The following TOX variants were observed in gnomAD, a reference collection of about 807,000 sequenced individuals.
TOX encodes the protein thymocyte selection associated high mobility group box.
TOX carries 11 observed loss-of-function variants against 53.7 expected under a neutral mutation model. The observed-to-expected ratio is 0.20, with a 90% CI of 0.13 to 0.34. The LOEUF (loss-of-function observed/expected upper bound fraction) is 0.34. Among genes scored for constraint, TOX ranks in the 10% least tolerant of loss-of-function variants. The probability of loss-of-function intolerance (pLI) is 1.00; values close to 1 mark genes in which losing one functional copy is unlikely to be tolerated. For synonymous variants in TOX, 225 were observed against 245.3 expected, an observed-to-expected ratio of 0.92 and a Z score of 0.77; for missense variants, 570 against 664.6, an observed-to-expected ratio of 0.86 and a Z score of 1.56.
intron 1 of TOX, among the ~76,000 whole-genome samples, chr8:59,038,044 T>C (rs978710990): frequency 6.6e-6 from 1 of 152,296 alleles, no homozygotes; most frequent in Non-Finnish European, 1.5e-5. Context: ...CAGACTTCCC[T>C]GTGGAAGAAT....
At chr8:58,856,748 G>T (rs1585863076) in intron 3 of TOX, among the ~76,000 whole-genome samples, 1 of 142,102 alleles carries the variant, frequency 7.0e-6, no homozygotes, top group Non-Finnish European at 1.5e-5. Flanking sequence ...ACCTTCCTTT[G>T]TTTTTTTTTT....
chr8:59,071,375 C>T (rs1804194880), intron 1 of TOX, among the ~76,000 whole-genome samples: 1 of 152,182 alleles, frequency 6.6e-6, no homozygotes, highest in Admixed American at 6.5e-5. Context: ...GGAATGCTCT[C>T]CACTCAGGGA....
chr8:58,908,085 C>G (rs1000238944), intron 3 of TOX, among the ~76,000 whole-genome samples: 2 of 152,160 alleles, frequency 1.3e-5, no homozygotes, highest in African/African-American at 4.8e-5. Context: ...GATGCTCTCT[C>G]TCTGCCTTTC....
intron 3 of TOX, among the ~76,000 whole-genome samples, chr8:58,867,370 G>T (rs988544575): frequency 4.6e-5 from 7 of 152,298 alleles, no homozygotes; most frequent in African/African-American, 1.4e-4. Context: ...TGCTCACAAG[G>T]TATAGCACAT....
chr8:58,811,501 C>T (rs1169695418), intron 7 of TOX, among the ~76,000 whole-genome samples: 1 of 152,254 alleles, frequency 6.6e-6, no homozygotes, highest in Non-Finnish European at 1.5e-5. Context: ...CAGTGATCCT[C>T]ATATCCACAC....
At chr8:58,812,217 T>G (rs1810091725) in intron 7 of TOX, among the ~76,000 whole-genome samples, 1 of 152,162 alleles carries the variant, frequency 6.6e-6, no homozygotes, top group African/African-American at 2.4e-5. Flanking sequence ...AATGAAGTGA[T>G]AATGTGGAGG....
chr8:59,060,236 G>A (rs1311350469), intron 1 of TOX, among the ~76,000 whole-genome samples: 4 of 152,058 alleles, frequency 2.6e-5, no homozygotes, highest in African/African-American at 9.7e-5. Context: ...GTCTTTTCAT[G>A]TGGATTACTC....
intron 1 of TOX, among the ~76,000 whole-genome samples, chr8:58,970,232 G>A (rs780367822): frequency 4.6e-5 from 7 of 152,080 alleles, no homozygotes; most frequent in South Asian, 4.2e-4. Flanking sequence ...AAATATTTCC[G>A]ACATCACTCC....
intron 1 of TOX, among the ~76,000 whole-genome samples, chr8:59,011,021 G>C (rs1813895353): frequency 6.6e-6 from 1 of 152,166 alleles, no homozygotes; most frequent in Non-Finnish European, 1.5e-5. Flanking sequence ...TCTGGGAAAA[G>C]AAGTTTGCCT....
At chr8:59,068,008 A>G (rs1302644414) in intron 1 of TOX, among the ~76,000 whole-genome samples, 1 of 152,240 alleles carries the variant, frequency 6.6e-6, no homozygotes, top group Non-Finnish European at 1.5e-5. Flanking sequence ...ACTTGTGAAT[A>G]TTAGACATTA....
At chr8:59,082,337 T>C (rs929408900) in intron 1 of TOX, among the ~76,000 whole-genome samples, 7 of 152,326 alleles carry the variant, frequency 4.6e-5, no homozygotes, top group Non-Finnish European at 8.8e-5. Flanking sequence ...GAAAGCCAAG[T>C]TTTCCATGAG....
At chr8:58,826,665 T>A (rs896884690) in intron 6 of TOX, among the ~76,000 whole-genome samples, 157 bp downstream of exon 6, 1 of 152,238 alleles carries the variant, frequency 6.6e-6, no homozygotes, top group African/African-American at 2.4e-5. Context: ...TGAACGAATA[T>A]TTCCATATCG....
rs1809983321 is a variant in TOX at position 58,806,772 on chromosome 8, A to G, written c.*975T>C. ...AAAACATCAAAGAAACCTCTTTCAA[A>G]TACTAACAAATTTACTTACAAACAC... On this transcript the variant is annotated 3_prime_UTR_variant, in exon 9 of 9. Transcript: ENST00000361421. 1 of 152,642 alleles carries G rather than the reference A, an allele frequency of 6.6e-6. No homozygotes were observed. The highest frequency in any genetic ancestry group is 2.4e-5 in the African/African-American group (1 of 41,454). 9.5% of individuals were successfully genotyped at this position (152,642 alleles called of 1,614,324 possible).
At chr8:58,864,597 T>C (rs1023566293) in intron 3 of TOX, among the ~76,000 whole-genome samples, 1 of 152,220 alleles carries the variant, frequency 6.6e-6, no homozygotes, top group Non-Finnish European at 1.5e-5. Context: ...TAGCTAAAAA[T>C]GTTGCCACAT....
At chr8:58,962,035 A>G (rs1010660675) in intron 1 of TOX, among the ~76,000 whole-genome samples, 4 of 152,218 alleles carry the variant, frequency 2.6e-5, no homozygotes, top group Non-Finnish European at 5.9e-5. Context: ...GAAGAAGTGG[A>G]GTGAACCAAA....
At chr8:59,084,948 A>G (rs1804480139) in intron 1 of TOX, among the ~76,000 whole-genome samples, 1 of 152,258 alleles carries the variant, frequency 6.6e-6, no homozygotes, top group African/African-American at 2.4e-5. Flanking sequence ...AAATGGATAT[A>G]TCAATGGATA....
At chr8:58,922,897 TG>T (rs1303962337) in intron 3 of TOX, among the ~76,000 whole-genome samples, 1 of 152,116 alleles carries the variant, frequency 6.6e-6, no homozygotes, top group Non-Finnish European at 1.5e-5. Flanking sequence ...TTCCGAGCAG[TG>T]ACATTTGAGC....
intron 1 of TOX, among the ~76,000 whole-genome samples, chr8:59,043,612 T>A (rs1803633849): frequency 6.6e-6 from 1 of 152,228 alleles, no homozygotes; most frequent in Non-Finnish European, 1.5e-5. Context: ...ATGGCAATAC[T>A]CTCGGGTCAA....
intron 1 of TOX, among the ~76,000 whole-genome samples, chr8:59,052,991 T>G (rs1008272525): frequency 6.6e-6 from 1 of 152,164 alleles, no homozygotes; most frequent in African/African-American, 2.4e-5. Context: ...GGTTCAAGAC[T>G]TAGATAAATC....
Sources: gnomAD v4.1 joint callset for allele counts (sites outside exome capture counted in the v4.1 genomes callset) on GRCh38, gnomAD v4.1.1 for gene constraint, MANE v1.5 for transcripts, NCBI Gene and HGNC (gene_info 2026-07-23, HGNC 2026-07-21) for gene names.